NHSL2: variants seen among roughly 807,000 people sequenced by gnomAD.
The protein encoded by NHSL2 is NHS-like protein 2.
A neutral mutation model predicts 53.4 loss-of-function variants in NHSL2; 27 were observed. The ratio of observed to expected loss-of-function variants is 0.51; its 90% CI spans 0.37 to 0.70. The LOEUF is 0.70. NHSL2 is among the 30% of genes least tolerant of loss of function. The pLI is 0.00. For synonymous variants in NHSL2, 408 were observed against 404.1 expected (o/e 1.01, Z -0.12); for missense variants, 892 against 980.1 (o/e 0.91, Z 1.20).
chrX:72,030,655 G>A (rs950500119), intron 1 of NHSL2, among the ~76,000 whole-genome samples: 1 of 112,017 alleles, frequency 8.9e-6, no homozygotes, highest in African/African-American at 3.3e-5. Flanking sequence ...TGGCATGCTG[G>A]TAAATGTTTA....
rs1188652122 is a variant in NHSL2, at chrX:72,140,666, G to C, written c.3118G>C (p.Glu1040Gln). The change falls in exon 6 of 8, where the codon GAG (glutamate) becomes CAG (glutamine). Residue 1040 changes from glutamate to glutamine, a missense_variant. Transcript: ENST00000633930. ...RLPLSPIITL[E>Q]EDTKCPATGD... ...GCCTCTCAGCCCCATCATCACCCTGGAGGAAGACACCAAGTGTCCCGCCAC... is the reference window on the plus strand; with the variant it reads ...GCCTCTCAGCCCCATCATCACCCTGCAGGAAGACACCAAGTGTCCCGCCAC... The C allele has an allele frequency of 2.5e-6, 3 of 1,211,481 alleles. No homozygotes were observed. The highest frequency in any genetic ancestry group is 1.7e-5 in the African/African-American group (1 of 57,957).
rs2042333632 is a variant in NHSL2, at chrX:72,134,118, C to A, written c.464C>A (p.Ala155Asp). The change falls in exon 3 of 8, where the codon GCC becomes GAC. Residue 155 changes from alanine to aspartate, a missense_variant. Physicochemically the swap from Ala to Asp is moderately radical, Grantham distance 126. Transcript: ENST00000633930. ...GAATATGAGGAACAGTACTCGGAGG[C>A]CAGACTTGTGGGGCAGACCTTCCGC... Reference protein sequence around the residue: ...QEEYEEQYSEARLVGQTFRSS... With the variant: ...QEEYEEQYSEDRLVGQTFRSS... 8.6e-7 allele frequency: 1 copy of A among 1,166,841 alleles called. No individual in the cohort carries two copies. Among genetic ancestry groups the A allele is most frequent in the East Asian group, 3.2e-5 (1 of 30,779 alleles).
At chrX:71,963,821 G>A (rs2147851417) in intron 1 of NHSL2, among the ~76,000 whole-genome samples, 1 of 103,274 alleles carries the variant, frequency 9.7e-6, no homozygotes, top group African/African-American at 3.5e-5. Flanking sequence ...TATTTGGGAG[G>A]CTGAGGTAGG....
intron 1 of NHSL2, among the ~76,000 whole-genome samples, chrX:71,998,732 T>A (rs1358252110): frequency 1.8e-5 from 2 of 111,472 alleles, no homozygotes; most frequent in African/African-American, 6.5e-5. Context: ...TTCTGCACTC[T>A]CAGGGAGGAG....
At chrX:71,962,627 C>CTTTTTTTTTTTTTTT (rs57600316) in intron 1 of NHSL2, among the ~76,000 whole-genome samples, 1 of 54,787 alleles carries the variant, frequency 1.8e-5, no homozygotes, top group African/African-American at 5.5e-5. Context: ...CATCTCTTTC[C>CTTTTTTTTTTTTTTT]TTTTTTTTTT....
chrX:72,080,476 G>A (rs998414086), intron 1 of NHSL2, among the ~76,000 whole-genome samples: 9 of 110,774 alleles, frequency 8.1e-5, no homozygotes, highest in Non-Finnish European at 1.7e-4. Context: ...ATTCATAATC[G>A]GATGGCTTTG....
At chrX:71,921,234 C>T (rs1023838878) in intron 1 of NHSL2, among the ~76,000 whole-genome samples, 3 of 108,809 alleles carry the variant, frequency 2.8e-5, no homozygotes, top group African/African-American at 1.0e-4. Flanking sequence ...CCTGGCCAAA[C>T]ATGGTGAAAC....
intron 1 of NHSL2, among the ~76,000 whole-genome samples, chrX:72,091,519 C>T (rs1468616127): frequency 8.9e-6 from 1 of 112,354 alleles, no homozygotes; most frequent in East Asian, 2.8e-4. Context: ...TCAGTTGACC[C>T]TGCCACTAGC....
At chrX:71,924,708 A>C (rs2041676013) in intron 1 of NHSL2, among the ~76,000 whole-genome samples, 1 of 112,440 alleles carries the variant, frequency 8.9e-6, no homozygotes. Context: ...GGGAAATCAG[A>C]GTTACATTAG....
At position 72,143,390 on chromosome X, in the gene NHSL2, G is replaced by C. The variant is rs764441235; in HGVS notation, c.3494G>C (p.Ser1165Thr). Reference sequence around the variant, plus strand: ...ACCGCCACTGCAGGGTCAGGCAGCAGTGCCAACCTAGATGCTGGCAGAAAT... The same window carrying C: ...ACCGCCACTGCAGGGTCAGGCAGCACTGCCAACCTAGATGCTGGCAGAAAT... ...ESTATAGSGSSANLDAGRNDD... is the reference protein window; with the variant it reads ...ESTATAGSGSTANLDAGRNDD... Residue 1165 changes from serine to threonine, a missense_variant, in exon 8 of 8, where the codon AGT becomes ACT. Ser to Thr is a moderately conservative substitution (Grantham distance 58). Coordinates refer to ENST00000633930, the MANE Select transcript of NHSL2 (RefSeq NM_001013627.3). 3.0e-5 allele frequency: 35 copies of C among 1,165,536 alleles called. No individual in the cohort carries two copies. Among genetic ancestry groups the C allele is most frequent in the Non-Finnish European group, 4.0e-5 (35 of 872,406 alleles).
intron 1 of NHSL2, among the ~76,000 whole-genome samples, chrX:71,962,322 C>CA (rs2041871244): frequency 9.0e-6 from 1 of 111,614 alleles, no homozygotes; most frequent in African/African-American, 3.3e-5. Flanking sequence ...ATGCTGCCCT[C>CA]AGAGAATAAG....
chrX:72,066,444 A>G (rs1225936888), intron 1 of NHSL2, among the ~76,000 whole-genome samples: 3 of 111,398 alleles, frequency 2.7e-5, no homozygotes. Flanking sequence ...ATCCTTAAGC[A>G]TCTAATGGGC....
intron 4 of NHSL2, among the ~76,000 whole-genome samples, chrX:72,135,723 T>C (rs769346033): frequency 2.7e-5 from 3 of 112,224 alleles, no homozygotes; most frequent in African/African-American, 9.7e-5. Flanking sequence ...AGAAGTGATG[T>C]TGAACATTTT....
intron 1 of NHSL2, among the ~76,000 whole-genome samples, chrX:72,064,005 A>G (rs2042413764): frequency 9.0e-6 from 1 of 111,074 alleles, no homozygotes; most frequent in Non-Finnish European, 1.9e-5. Context: ...GTCTTGAGAA[A>G]TAAGTCTGAC....
intron 1 of NHSL2, among the ~76,000 whole-genome samples, chrX:71,976,628 G>A (rs1342606717): frequency 1.8e-5 from 2 of 111,419 alleles, no homozygotes; most frequent in Non-Finnish European, 3.8e-5. Context: ...TTCATCCCCC[G>A]CAGTAACCTG....
At chrX:72,106,083 C>T (rs2042036663) in intron 1 of NHSL2, among the ~76,000 whole-genome samples, 1 of 111,110 alleles carries the variant, frequency 9.0e-6, no homozygotes, top group Admixed American at 9.6e-5. Flanking sequence ...GTGGCGGGTG[C>T]CTGTAGTCCC....
intron 1 of NHSL2, among the ~76,000 whole-genome samples, chrX:72,055,054 G>A (rs954327475): frequency 8.1e-5 from 9 of 111,693 alleles, no homozygotes; most frequent in African/African-American, 2.9e-4. Context: ...CAAGCGGGGA[G>A]AGAAAGAGAA....
At chrX:72,089,643 GGAGAA>G (rs1479992778) in intron 1 of NHSL2, among the ~76,000 whole-genome samples, 2 of 110,886 alleles carry the variant, frequency 1.8e-5, no homozygotes, top group Non-Finnish European at 3.8e-5. Flanking sequence ...AGGGGCAGTG[GGAGAA>G]AAGGTGAGAT....
At chrX:72,107,183 G>A (rs1247640333) in intron 1 of NHSL2, among the ~76,000 whole-genome samples, 1 of 110,476 alleles carries the variant, frequency 9.1e-6, no homozygotes, top group Non-Finnish European at 1.9e-5. Context: ...TAGCACTTTG[G>A]GAGGCCGAGG....
Sources: gnomAD v4.1 joint callset for allele counts (sites outside exome capture counted in the v4.1 genomes callset) on GRCh38, gnomAD v4.1.1 for gene constraint, MANE v1.5 for transcripts, NCBI Gene and HGNC (gene_info 2026-07-23, HGNC 2026-07-21) for gene names.